The following EPHB1 variants were observed in gnomAD, a reference collection of about 807,000 sequenced individuals.
The protein encoded by EPHB1 is ephrin type-B receptor 1.
In EPHB1, 30 loss-of-function variants were observed where a neutral mutation model predicts 94.4. That is an observed-to-expected ratio of 0.32 (90% CI 0.24 to 0.43). The LOEUF is 0.43. Among genes scored for constraint, EPHB1 ranks in the 20% least tolerant of loss-of-function variants. The pLI is 1.00. For missense variants in EPHB1, 1,055 were observed against 1,308.3 expected (o/e 0.81, Z 2.99); for synonymous variants, 522 against 489.1 (o/e 1.07, Z -0.89).
At chr3:135,057,641 G>T (rs1166115840) in intron 3 of EPHB1, among the ~76,000 whole-genome samples, 3 of 152,090 alleles carry the variant, frequency 2.0e-5, no homozygotes, top group Admixed American at 1.3e-4. Context: ...CTTTTTTGCA[G>T]GTTCTCTGAG....
Position 135,085,159 on chromosome 3 carries a change from G to T in EPHB1, c.806-21289G>T, listed in dbSNP as rs185769237. 2.3e-3 allele frequency among the ~76,000 whole-genome samples: 355 copies of T among 152,306 alleles called. 1 individual carries two copies. Among genetic ancestry groups the T allele is most frequent in the Non-Finnish European group, 4.2e-3 (284 of 68,024 alleles). On this transcript the variant is annotated intron_variant, in intron 3 of 15. Transcript: ENST00000398015. ...TAATGACCCTTATCTGTGCAGCCAC[G>T]AGCAGACCTGGCCTAGGGCTCACCT... is the stretch of plus-strand genomic sequence containing the variant.
Position 135,167,968 on chromosome 3 carries a change from G to A in EPHB1, c.1759+962G>A, listed in dbSNP as rs112248412. 4.5e-4 allele frequency among the ~76,000 whole-genome samples: 69 copies of A among 152,294 alleles called. 1 individual carries two copies. The highest frequency in any genetic ancestry group is 1.6e-3 in the African/African-American group (68 of 41,566). Reference sequence around the variant, plus strand: ...TCTCCACAGGGGGGTTCTTCTGGGGGTGAACATGGACTCCCAGGCCAAAGT... The same window carrying A: ...TCTCCACAGGGGGGTTCTTCTGGGGATGAACATGGACTCCCAGGCCAAAGT... On this transcript the variant is annotated intron_variant, in intron 9 of 15. Coordinates refer to ENST00000398015, the MANE Select transcript of EPHB1 (RefSeq NM_004441.5).
intron 3 of EPHB1, among the ~76,000 whole-genome samples, chr3:134,981,597 C>A (rs1934404806): frequency 6.6e-6 from 1 of 152,192 alleles, no homozygotes; most frequent in Non-Finnish European, 1.5e-5. Context: ...CATTGAGTAC[C>A]ACATGACAAC....
At position 134,863,035 on chromosome 3, in the gene EPHB1, G is replaced by A. The variant is rs544562089; in HGVS notation, c.59-62781G>A. On this transcript the variant is annotated intron_variant, in intron 1 of 15. Coordinates refer to ENST00000398015, the MANE Select transcript of EPHB1 (RefSeq NM_004441.5). ...GGAGAGAAGCTGGGGTGGATCCTGC[G>A]TTCCCTTGACCTGGCACTCATGGCC... 7.9e-5 allele frequency among the ~76,000 whole-genome samples: 12 copies of A among 152,284 alleles called. No homozygotes were observed. In the East Asian group the frequency reaches 9.6e-4, roughly 12 times the overall value.
intron 3 of EPHB1, among the ~76,000 whole-genome samples, chr3:135,078,086 G>A (rs1278656993): frequency 6.6e-6 from 1 of 152,202 alleles, no homozygotes; most frequent in Non-Finnish European, 1.5e-5. Context: ...CAAAGTTTGA[G>A]ATTCAATCAC....
At chr3:135,191,107 G>A (rs1021755) in intron 10 of EPHB1, among the ~76,000 whole-genome samples, 601 of 51,954 alleles carry the variant, frequency 0.012, 8 homozygotes, top group African/African-American at 0.043. Flanking sequence ...GAGTGGAAGG[G>A]AGGAAGGAAG....
At chr3:134,998,770 C>T (rs1446140041) in intron 3 of EPHB1, among the ~76,000 whole-genome samples, 3 of 152,204 alleles carry the variant, frequency 2.0e-5, no homozygotes, top group African/African-American at 7.2e-5. Flanking sequence ...TAATTCACCA[C>T]TACATCAACA....
At chr3:135,106,666 T>C in intron 4 of EPHB1, 63 bp downstream of exon 4, 1 of 1,596,930 alleles carries the variant, frequency 6.3e-7, no homozygotes, top group Non-Finnish European at 8.6e-7. Flanking sequence ...AAGTGGTGGG[T>C]CTGGGGCAAG....
chr3:135,211,729 G>T (rs1383355346), intron 12 of EPHB1, among the ~76,000 whole-genome samples: 1 of 151,914 alleles, frequency 6.6e-6, no homozygotes, highest in African/African-American at 2.4e-5. Flanking sequence ...ATTCGTATAC[G>T]CATTGTGTCA....
At position 134,977,955 on chromosome 3, in the gene EPHB1, T is replaced by C. The variant is rs775044417; in HGVS notation, c.805+25903T>C. On this transcript the variant is annotated intron_variant, in intron 3 of 15. Transcript: ENST00000398015. ...TGCCTGATGCCATCCATTCTGTTTT[T>C]CTTTCCACAGTGTCCAGGCCTTTTT... 282 of 455,982 alleles carry C rather than the reference T, an allele frequency of 6.2e-4. 2 individuals carry two copies. The highest frequency in any genetic ancestry group is 5.6e-4 in the Non-Finnish European group (128 of 226,684). The allele number at this position is 455,982 out of a possible 1,614,324, so 28.2% of individuals were successfully genotyped here.
intron 1 of EPHB1, among the ~76,000 whole-genome samples, chr3:134,819,740 G>A (rs949451256): frequency 6.6e-6 from 1 of 152,116 alleles, no homozygotes; most frequent in Non-Finnish European, 1.5e-5. Context: ...AAAGGTAGTT[G>A]CCCTTGGATC....
intron 3 of EPHB1, among the ~76,000 whole-genome samples, chr3:135,018,005 G>T (rs192207321): frequency 3.3e-5 from 5 of 152,128 alleles, no homozygotes; most frequent in African/African-American, 4.8e-5. Context: ...GACTGTGAGG[G>T]GGGGCATGAT....
chr3:135,048,259 C>CTTTTTTTTTTTTTTTTTTT (rs34135757), intron 3 of EPHB1, among the ~76,000 whole-genome samples: 31 of 55,212 alleles, frequency 5.6e-4, no homozygotes, highest in African/African-American at 8.6e-4. Context: ...TTTCTTTTTT[C>CTTTTTTTTTTTTTTTTTTT]TTTTTTTTTT....
chr3:134,909,231 T>G (rs2038404132), intron 1 of EPHB1, among the ~76,000 whole-genome samples: 2 of 147,604 alleles, frequency 1.4e-5, no homozygotes, highest in African/African-American at 5.0e-5. Context: ...GAAAGGGGAG[T>G]AGTTGATTCT....
At chr3:134,975,371 T>A (rs1409527894) in intron 3 of EPHB1, among the ~76,000 whole-genome samples, 1 of 152,030 alleles carries the variant, frequency 6.6e-6, no homozygotes, top group Non-Finnish European at 1.5e-5. Flanking sequence ...CTAAAGAGCA[T>A]GTACAGAGAG....
intron 3 of EPHB1, among the ~76,000 whole-genome samples, chr3:135,074,484 A>G (rs751316580): frequency 6.6e-6 from 1 of 152,184 alleles, no homozygotes; most frequent in Non-Finnish European, 1.5e-5. Context: ...ATATGTCCTT[A>G]GTACCCTAGG....
rs953060535 is a variant in EPHB1 at position 134,826,268 on chromosome 3, G to A, written c.58+30579G>A. On this transcript the variant is annotated intron_variant, in intron 1 of 15. Coordinates refer to ENST00000398015, the MANE Select transcript of EPHB1 (RefSeq NM_004441.5). Reference sequence around the variant, plus strand: ...CTCCATCTCAAAAAAAAAAAAAAAAGCAATTGAAAATGTTTTTTAGATGCT... The same window carrying A: ...CTCCATCTCAAAAAAAAAAAAAAAAACAATTGAAAATGTTTTTTAGATGCT... Among the ~76,000 whole-genome samples, 544 of 114,256 alleles carry A rather than the reference G, an allele frequency of 4.8e-3. 3 individuals are homozygous for A. Among genetic ancestry groups the A allele is most frequent in the African/African-American group, 0.019 (496 of 26,550 alleles). The allele number at this position is 114,256 out of a possible 152,430, so 75.0% of individuals were successfully genotyped here.
At chr3:135,154,513 T>G in intron 6 of EPHB1, 1 of 461,782 alleles carries the variant, frequency 2.2e-6, no homozygotes, top group Non-Finnish European at 3.8e-6. Flanking sequence ...TCCTGCAATC[T>G]GGATAGTTCA....
chr3:135,128,979 A>T (rs1291930864), intron 4 of EPHB1, among the ~76,000 whole-genome samples: 1 of 152,102 alleles, frequency 6.6e-6, no homozygotes, highest in Non-Finnish European at 1.5e-5. Flanking sequence ...CTCTGAGTCC[A>T]TTCTCCAGGG....
Sources: allele counts gnomAD v4.1 joint callset (sites outside exome capture counted in the v4.1 genomes callset), GRCh38; gene constraint gnomAD v4.1.1; transcripts MANE v1.5; gene names NCBI Gene and HGNC (gene_info 2026-07-23, HGNC 2026-07-21).